Variants in SRPK1 observed in about 807,000 individuals in gnomAD.
The protein encoded by SRPK1 is SRSF protein kinase 1, also known as SFRS protein kinase 1.
Under a neutral mutation model 89.5 loss-of-function variants are expected in SRPK1, and 52 were observed. The ratio of observed to expected loss-of-function variants is 0.58; its 90% confidence interval spans 0.46 to 0.73. The LOEUF (loss-of-function observed/expected upper bound fraction) is 0.73, where lower values mean the gene tolerates loss of function less well. SRPK1 is among the 30% of genes least tolerant of loss of function. The probability of loss-of-function intolerance (pLI) is 0.00; values close to 1 mark genes in which losing one functional copy is unlikely to be tolerated. For missense variants in SRPK1, 603 were observed against 780.6 expected, an observed-to-expected ratio of 0.77 and a Z score of 2.71; for synonymous variants, 255 against 270.2, an observed-to-expected ratio of 0.94 and a Z score of 0.55.
chr6:35,883,542 T>C (rs1261458067), intron 6 of SRPK1, among the ~76,000 whole-genome samples: 1 of 152,170 alleles, frequency 6.6e-6, no homozygotes, highest in Non-Finnish European at 1.5e-5. Flanking sequence ...TTTTTATTTG[T>C]TGAGAGAAGT....
chr6:35,839,276 G>C (rs6922695), intron 14 of SRPK1, among the ~76,000 whole-genome samples: 47,920 of 152,068 alleles, frequency 0.32, 7,785 homozygotes, highest in South Asian at 0.42. Flanking sequence ...TTGGCCTCCC[G>C]AAGTGTTGGG....
At chr6:35,888,190 T>A in intron 4 of SRPK1, 79 bp from the exon 5 acceptor site, 1 of 894,944 alleles carries the variant, frequency 1.1e-6, no homozygotes, top group Non-Finnish European at 1.7e-6. Context: ...ATAAGATGGT[T>A]AAAAAGGACA....
At position 35,921,029 on chromosome 6, in the gene SRPK1, C is replaced by G; in HGVS notation, c.13+15G>C. On this transcript the variant is annotated intron_variant, in intron 1 of 15. Coordinates refer to ENST00000373825, the MANE Select transcript of SRPK1 (RefSeq NM_003137.5). ...GACCATTGCCCCTCGTGGCGGAGGC[C>G]GCTCCACCGCTCACCTTTCCGCTCC... 6.5e-7 allele frequency: 1 copy of G among 1,543,860 alleles called. No individual in the cohort carries two copies. The highest frequency in any genetic ancestry group is 2.6e-5 in the East Asian group (1 of 38,644).
intron 6 of SRPK1, among the ~76,000 whole-genome samples, chr6:35,878,269 A>C (rs973196649): frequency 7.2e-4 from 110 of 152,212 alleles, no homozygotes; most frequent in African/African-American, 2.5e-3. Flanking sequence ...CAGGAAATTC[A>C]CAAGGTGAGC....
intron 6 of SRPK1, among the ~76,000 whole-genome samples, chr6:35,878,864 G>T (rs946443996): frequency 6.6e-5 from 10 of 152,142 alleles, no homozygotes; most frequent in African/African-American, 2.4e-4. Flanking sequence ...GCCAAAGTGG[G>T]CAGATCACTT....
In SRPK1 at chr6:35,882,997, T is replaced by C. The variant is rs912163653; in HGVS notation, c.478+3727A>G. On this transcript the variant is annotated intron_variant, in intron 6 of 15. Transcript: ENST00000373825. Reference sequence around the variant, plus strand: ...CTAATTTTTGTATTTTTAGTAGAGATGGGGTTTCGCCATGTTGGCCAGTCT... The same window carrying C: ...CTAATTTTTGTATTTTTAGTAGAGACGGGGTTTCGCCATGTTGGCCAGTCT... Among the ~76,000 whole-genome samples, 13 of 152,278 alleles carry C rather than the reference T, an allele frequency of 8.5e-5. No homozygotes were observed. In the East Asian group the frequency reaches 2.5e-3, roughly 30 times the overall value.
chr6:35,866,751 T>A (rs1769913976), intron 12 of SRPK1, among the ~76,000 whole-genome samples: 1 of 152,136 alleles, frequency 6.6e-6, no homozygotes, highest in Non-Finnish European at 1.5e-5. Context: ...GCACTATTCA[T>A]AATTACAACT....
intron 13 of SRPK1, among the ~76,000 whole-genome samples, chr6:35,854,327 T>C (rs114162874): frequency 0.01 from 1,535 of 152,292 alleles, 28 homozygotes; most frequent in African/African-American, 0.035. Context: ...ACTTGTTCCA[T>C]CTCATTACCT....
chr6:35,905,686 T>C (rs921098012), intron 2 of SRPK1, among the ~76,000 whole-genome samples: 3 of 152,202 alleles, frequency 2.0e-5, no homozygotes, highest in African/African-American at 7.2e-5. Context: ...AGTAATCATA[T>C]TGTTGGGGTA....
At chr6:35,843,959 CCTCA>C (rs66855748) in intron 13 of SRPK1, among the ~76,000 whole-genome samples, 46,978 of 150,520 alleles carry the variant, frequency 0.31, 7,552 homozygotes, top group South Asian at 0.42. Context: ...CTACATAAAT[CCTCA>C]CTGATTACAA....
chr6:35,885,983 G>A (rs1037350020), intron 6 of SRPK1, among the ~76,000 whole-genome samples: 1 of 152,040 alleles, frequency 6.6e-6, no homozygotes, highest in African/African-American at 2.4e-5. Flanking sequence ...CAAAGTTGAG[G>A]CTTAGTATAA....
chr6:35,875,706 T>C (rs998824394), intron 6 of SRPK1, among the ~76,000 whole-genome samples: 2 of 152,312 alleles, frequency 1.3e-5, no homozygotes, highest in East Asian at 3.9e-4. Flanking sequence ...TAGTATACTA[T>C]TACTGATTCA....
At chr6:35,841,810 G>C (rs202182385) in intron 14 of SRPK1, among the ~76,000 whole-genome samples, 2 of 122,236 alleles carry the variant, frequency 1.6e-5, no homozygotes, top group Non-Finnish European at 3.1e-5. Flanking sequence ...CCAGCCTGGC[G>C]ACAGAGTGAG....
chr6:35,852,039 C>A (rs1769568035), intron 13 of SRPK1, among the ~76,000 whole-genome samples: 1 of 152,144 alleles, frequency 6.6e-6, no homozygotes, highest in East Asian at 1.9e-4. Flanking sequence ...ATCTAGGGCA[C>A]CCTGGCTGGT....
intron 14 of SRPK1, among the ~76,000 whole-genome samples, chr6:35,840,410 G>C (rs1053769274): frequency 1.3e-5 from 2 of 152,246 alleles, no homozygotes; most frequent in East Asian, 1.9e-4. Context: ...TTTTTGGCAG[G>C]ACCTGCAAAT....
intron 2 of SRPK1, among the ~76,000 whole-genome samples, chr6:35,900,462 G>A (rs1770717595): frequency 6.6e-6 from 1 of 152,348 alleles, no homozygotes; most frequent in African/African-American, 2.4e-5. Context: ...GCAGCTGTGA[G>A]CAAGTATAGG....
intron 6 of SRPK1, among the ~76,000 whole-genome samples, chr6:35,881,509 T>C (rs1770291026): frequency 6.6e-6 from 1 of 151,852 alleles, no homozygotes; most frequent in South Asian, 2.1e-4. Context: ...TACAAGAGAC[T>C]CACTTTAGAT....
chr6:35,896,496 A>G (rs1302536502), intron 2 of SRPK1, among the ~76,000 whole-genome samples: 1 of 152,238 alleles, frequency 6.6e-6, no homozygotes, highest in African/African-American at 2.4e-5. Flanking sequence ...GCTGGTGGGA[A>G]TGTAAAATGG....
intron 2 of SRPK1, among the ~76,000 whole-genome samples, chr6:35,904,223 G>A (rs1253523299): frequency 6.6e-6 from 1 of 152,096 alleles, no homozygotes; most frequent in Non-Finnish European, 1.5e-5. Context: ...ATAACTTTCT[G>A]AAGTTATACC....
Sources: gnomAD v4.1 joint callset for allele counts (sites outside exome capture counted in the v4.1 genomes callset) on GRCh38, gnomAD v4.1.1 for gene constraint, MANE v1.5 for transcripts, NCBI Gene and HGNC (gene_info 2026-07-23, HGNC 2026-07-21) for gene names.